Variants in CHST9 observed in about 807,000 individuals in gnomAD.
CHST9 encodes the protein GalNAc-4-sulfotransferase 2.
CHST9 carries 41 observed loss-of-function variants against 44.4 expected under a neutral mutation model. That is an observed-to-expected ratio of 0.92 (90% confidence interval 0.72 to 1.20). The LOEUF (loss-of-function observed/expected upper bound fraction) is 1.20, where lower values mean the gene tolerates loss of function less well. CHST9 is among the 50% of genes most tolerant of loss of function. The pLI is 0.00. For missense variants in CHST9, 504 were observed against 516.5 expected (o/e 0.98, Z 0.23); for synonymous variants, 171 against 178.4 (o/e 0.96, Z 0.33).
At chr18:27,067,850 G>A (rs1019270210) in intron 2 of CHST9, among the ~76,000 whole-genome samples, 2 of 152,076 alleles carry the variant, frequency 1.3e-5, no homozygotes, top group Non-Finnish European at 2.9e-5. Context: ...TGGAGAAAGG[G>A]TACCAAAACT....
chr18:27,001,039 A>G (rs1480555000), intron 4 of CHST9, among the ~76,000 whole-genome samples: 1 of 152,208 alleles, frequency 6.6e-6, no homozygotes, highest in Admixed American at 6.5e-5. Flanking sequence ...CAAAGGTTAT[A>G]AAGCATGTGA....
chr18:26,908,115 A>G lies in CHST9; in HGVS notation c.*8144T>C, dbSNP rs1394137999. The G allele has an allele frequency of 6.6e-6, 1 of 152,474 alleles. No individual in the cohort carries two copies. Among genetic ancestry groups the G allele is most frequent in the African/African-American group, 2.4e-5 (1 of 41,466 alleles). 9.4% of individuals were successfully genotyped at this position (152,474 alleles called of 1,614,324 possible). On this transcript the variant is annotated 3_prime_UTR_variant, in exon 6 of 6. Coordinates refer to ENST00000618847, the MANE Select transcript of CHST9 (RefSeq NM_031422.6). Reference sequence around the variant, plus strand: ...TGCACAACTACACTAAATGCTGCTGAACTGTACACTTAAAAAATGGTGGCA... The same window carrying G: ...TGCACAACTACACTAAATGCTGCTGGACTGTACACTTAAAAAATGGTGGCA...
intron 4 of CHST9, among the ~76,000 whole-genome samples, chr18:26,969,670 G>A (rs1163729339): frequency 3.3e-5 from 5 of 152,084 alleles, no homozygotes; most frequent in South Asian, 2.1e-4. Flanking sequence ...AAATGTATAC[G>A]GTCTTATTGT....
chr18:27,052,566 C>A (rs1168374555), intron 2 of CHST9, among the ~76,000 whole-genome samples: 1 of 152,092 alleles, frequency 6.6e-6, no homozygotes, highest in Admixed American at 6.6e-5. Context: ...TGTGACACTA[C>A]ATCTCTAGCT....
At chr18:27,063,001 A>G (rs2143621149) in intron 2 of CHST9, among the ~76,000 whole-genome samples, 1 of 152,278 alleles carries the variant, frequency 6.6e-6, no homozygotes, top group African/African-American at 2.4e-5. Flanking sequence ...CTCTTGCCTC[A>G]GGCCCAGCAA....
chr18:26,933,732 C>T (rs1598570622), intron 5 of CHST9: 2 of 153,600 alleles, frequency 1.3e-5, no homozygotes, highest in African/African-American at 2.4e-5. Context: ...ACGACTCTGA[C>T]AAGTCTCTGT....
chr18:27,074,617 A>C lies in CHST9; in HGVS notation c.122-26114T>G, dbSNP rs1407302234. ...TCCCCTACTCCAAGTCCTGGCATTG[A>C]CATAAAGCCATCAGCCTGTCTAGGG... On this transcript the variant is annotated intron_variant, in intron 2 of 5. Coordinates refer to ENST00000618847, the MANE Select transcript of CHST9 (RefSeq NM_031422.6). Among the ~76,000 whole-genome samples, 3 of 152,098 alleles carry C rather than the reference A, an allele frequency of 2.0e-5. No individual in the cohort carries two copies. The East Asian group carries it at 5.8e-4, about 29-fold the overall frequency.
At chr18:27,122,744 C>T (rs1047697155) in intron 2 of CHST9, among the ~76,000 whole-genome samples, 2 of 152,090 alleles carry the variant, frequency 1.3e-5, no homozygotes, top group South Asian at 2.1e-4. Flanking sequence ...TTTTATTGAA[C>T]GATCTGTTAC....
rs770297124 is a variant in CHST9 at position 27,125,053 on chromosome 18, A to G, written c.121+17636T>C. Among the ~76,000 whole-genome samples, 38 of 152,212 alleles carry G rather than the reference A, an allele frequency of 2.5e-4. 1 individual carries two copies. Among genetic ancestry groups the G allele is most frequent in the Admixed American group, 2.0e-4 (3 of 15,278 alleles). The stretch of plus-strand genomic sequence containing the variant: ...TACTAGACATTCTTTGGCTTTATAC[A>G]TCTGAAAAGAATTTTCAAATTGAGG... On this transcript the variant is annotated intron_variant, in intron 2 of 5. Transcript: ENST00000618847.
intron 4 of CHST9, among the ~76,000 whole-genome samples, chr18:26,972,101 A>G (rs1216969794): frequency 6.6e-6 from 1 of 152,108 alleles, no homozygotes; most frequent in Admixed American, 6.5e-5. Flanking sequence ...TCACGTCTGC[A>G]ATCCCAGCAC....
chr18:26,996,904 A>T (rs1184872327), intron 4 of CHST9, among the ~76,000 whole-genome samples: 1 of 152,242 alleles, frequency 6.6e-6, no homozygotes, highest in Non-Finnish European at 1.5e-5. Context: ...GATTTGGGCC[A>T]TATTTCCTCT....
chr18:27,093,655 T>C (rs2143725391), intron 2 of CHST9, among the ~76,000 whole-genome samples: 1 of 152,342 alleles, frequency 6.6e-6, no homozygotes, highest in East Asian at 1.9e-4. Context: ...CTGTCACGGC[T>C]TCCCTTGGCT....
At chr18:27,020,439 G>C (rs1365864225) in intron 4 of CHST9, among the ~76,000 whole-genome samples, 5 of 152,234 alleles carry the variant, frequency 3.3e-5, no homozygotes, top group African/African-American at 1.2e-4. Context: ...GCTGAGAAGA[G>C]AGAAGAAAAT....
At chr18:27,050,052 A>G (rs1003148895) in intron 2 of CHST9, among the ~76,000 whole-genome samples, 1 of 152,130 alleles carries the variant, frequency 6.6e-6, no homozygotes, top group African/African-American at 2.4e-5. Context: ...CTGCTTGCTG[A>G]GTTCACATGA....
At chr18:27,012,202 AC>A (rs1568132403) in intron 4 of CHST9, among the ~76,000 whole-genome samples, 1 of 151,778 alleles carries the variant, frequency 6.6e-6, no homozygotes, top group African/African-American at 2.4e-5. Flanking sequence ...GGGGGAGCCA[AC>A]CCCCCTGTGC....
chr18:27,010,762 A>G (rs929951086), intron 4 of CHST9, among the ~76,000 whole-genome samples: 2 of 152,226 alleles, frequency 1.3e-5, no homozygotes, highest in African/African-American at 4.8e-5. Context: ...GGATGATGGG[A>G]AGCCCCATCT....
intron 5 of CHST9, among the ~76,000 whole-genome samples, chr18:26,941,222 A>T (rs2056077026): frequency 6.6e-6 from 1 of 152,124 alleles, no homozygotes; most frequent in African/African-American, 2.4e-5. Flanking sequence ...TTTCTCGTAG[A>T]CAGCACCTGT....
rs34600421 is a variant in CHST9 at position 27,004,343 on chromosome 18, CTT to C, written c.202+19771_202+19772del. Among the ~76,000 whole-genome samples the C allele has an allele frequency of 1.2e-3, 179 of 147,646 alleles. 1 individual carries two copies. The highest frequency in any genetic ancestry group is 8.7e-3 in the East Asian group (44 of 5,066). ...GTTTTGCTAGGCTTTTCTTTTCTGT[CTT>C]TTTTTTTTTTATTATTATATTTCTT... On this transcript the variant is annotated intron_variant, in intron 4 of 5. Coordinates refer to ENST00000618847, the MANE Select transcript of CHST9 (RefSeq NM_031422.6).
intron 2 of CHST9, among the ~76,000 whole-genome samples, chr18:27,068,887 C>T (rs1022689177): frequency 6.6e-6 from 1 of 152,174 alleles, no homozygotes; most frequent in African/African-American, 2.4e-5. Context: ...GAATCAGCTC[C>T]TCCTCACATT....
Sources: gnomAD v4.1 joint callset for allele counts (sites outside exome capture counted in the v4.1 genomes callset) on GRCh38, gnomAD v4.1.1 for gene constraint, MANE v1.5 for transcripts, NCBI Gene and HGNC (gene_info 2026-07-23, HGNC 2026-07-21) for gene names.